LDLRAD3: variants seen among roughly 807,000 people sequenced by gnomAD.
LDLRAD3 encodes the protein low density lipoprotein receptor class A domain containing 3.
A neutral mutation model predicts 29.4 loss-of-function variants in LDLRAD3; 20 were observed. The ratio of observed to expected loss-of-function variants is 0.68; its 90% CI spans 0.48 to 0.99. LDLRAD3 has a LOEUF of 0.99. Ranked by LOEUF, LDLRAD3 falls within the 50% of genes least tolerant of loss-of-function variation. LDLRAD3 has a pLI of 0.00. For missense variants in LDLRAD3, 420 were observed against 454.3 expected (o/e 0.92, Z 0.69); for synonymous variants, 157 against 192.7 (o/e 0.81, Z 1.53).
chr11:36,064,520 A>T (rs1490954117), intron 2 of LDLRAD3, among the ~76,000 whole-genome samples: 1 of 122,544 alleles, frequency 8.2e-6, no homozygotes, highest in South Asian at 2.5e-4. Context: ...GGGTTTTGCC[A>T]TGTTGCCCAG....
At chr11:36,087,081 T>C (rs1322746503) in intron 3 of LDLRAD3, among the ~76,000 whole-genome samples, 3 of 152,162 alleles carry the variant, frequency 2.0e-5, no homozygotes, top group Non-Finnish European at 4.4e-5. Flanking sequence ...GGCAAACTTT[T>C]AGATACAGAA....
chr11:36,203,575 G>T (rs1855158562), intron 4 of LDLRAD3, among the ~76,000 whole-genome samples: 1 of 152,166 alleles, frequency 6.6e-6, no homozygotes, highest in African/African-American at 2.4e-5. Flanking sequence ...CTCACTGGTG[G>T]TAAGAGCCGG....
chr11:36,183,102 G>A (rs2133358793), intron 4 of LDLRAD3, among the ~76,000 whole-genome samples: 1 of 152,304 alleles, frequency 6.6e-6, no homozygotes, highest in Non-Finnish European at 1.5e-5. Flanking sequence ...AGGGTCCCAG[G>A]CACTGTAGAT....
At chr11:36,073,516 C>A (rs1374972271) in intron 2 of LDLRAD3, among the ~76,000 whole-genome samples, 2 of 152,366 alleles carry the variant, frequency 1.3e-5, no homozygotes, top group Admixed American at 1.3e-4. Context: ...TTGCCCAGGA[C>A]CCCCCTTCCC....
chr11:36,082,257 C>G (rs997435515), intron 3 of LDLRAD3, among the ~76,000 whole-genome samples: 4 of 152,084 alleles, frequency 2.6e-5, no homozygotes, highest in Non-Finnish European at 4.4e-5. Context: ...ACCTGTAATC[C>G]CAGCACTTTA....
At chr11:36,061,948 AT>A (rs1253062586) in intron 2 of LDLRAD3, among the ~76,000 whole-genome samples, 3 of 151,868 alleles carry the variant, frequency 2.0e-5, no homozygotes, top group African/African-American at 7.3e-5. Context: ...CCAGTCACCC[AT>A]TTTCTGATAC....
intron 1 of LDLRAD3, among the ~76,000 whole-genome samples, chr11:36,021,865 G>A (rs1404535560): frequency 6.6e-6 from 1 of 152,066 alleles, no homozygotes; most frequent in African/African-American, 2.4e-5. Flanking sequence ...ACCCCAGGCT[G>A]ATCTTGAACT....
intron 1 of LDLRAD3, among the ~76,000 whole-genome samples, chr11:36,034,984 C>T (rs906368169): frequency 6.6e-6 from 1 of 152,182 alleles, no homozygotes. Flanking sequence ...TCTGCTACCC[C>T]GAGGCGGGTC....
chr11:36,030,496 C>T (rs947338267), intron 1 of LDLRAD3, among the ~76,000 whole-genome samples: 3 of 150,830 alleles, frequency 2.0e-5, no homozygotes, highest in Non-Finnish European at 2.9e-5. Flanking sequence ...AAGACAGTCA[C>T]GGAAAACAGA....
Position 36,229,610 on chromosome 11 carries a change from G to GTTTTTTAATGAT in LDLRAD3, c.*214_*215insTTTTTAATGATT. On this transcript the variant is annotated 3_prime_UTR_variant, in exon 6 of 6. Transcript: ENST00000315571. ...ACATGATCTGTTGTGCGTCTTTTCTGTCAGGTCACTCTTCCCTTGGGACCC... is the reference window on the plus strand; with the variant it reads ...ACATGATCTGTTGTGCGTCTTTTCTGTTTTTTAATGATTCAGGTCACTCTTCCCTTGGGACCC... The GTTTTTTAATGAT allele has an allele frequency of 1.9e-6, 1 of 517,662 alleles. No homozygotes were observed. Among genetic ancestry groups the GTTTTTTAATGAT allele is most frequent in the Non-Finnish European group, 3.4e-6 (1 of 291,484 alleles). 32.1% of individuals were successfully genotyped at this position (517,662 alleles called of 1,614,324 possible).
At chr11:36,132,271 G>T (rs2133306972) in intron 4 of LDLRAD3, among the ~76,000 whole-genome samples, 1 of 152,294 alleles carries the variant, frequency 6.6e-6, no homozygotes, top group East Asian at 1.9e-4. Flanking sequence ...CCTTTGCCAA[G>T]TCCACTGTCT....
intron 4 of LDLRAD3, among the ~76,000 whole-genome samples, chr11:36,151,386 T>C (rs1854276255): frequency 1.3e-5 from 2 of 152,154 alleles, no homozygotes; most frequent in African/African-American, 4.8e-5. Context: ...AGAGAGGCAC[T>C]GCTGGCCACT....
At chr11:36,171,553 G>GTGCTTTCCCCACTTTATGTTGTTGTT (rs1467699654) in intron 4 of LDLRAD3, among the ~76,000 whole-genome samples, 2 of 152,050 alleles carry the variant, frequency 1.3e-5, no homozygotes, top group African/African-American at 2.4e-5. Flanking sequence ...TGAATAGAAT[G>GTGCTTTCCCCACTTTATGTTGTTGTT]TGCTTTCCCC....
At chr11:36,143,963 C>G (rs993647339) in intron 4 of LDLRAD3, among the ~76,000 whole-genome samples, 1 of 137,666 alleles carries the variant, frequency 7.3e-6, no homozygotes, top group Admixed American at 7.5e-5. Context: ...TTGCCACGGT[C>G]TCCCTCTGAT....
At chr11:36,126,654 C>T (rs186717103) in intron 4 of LDLRAD3, among the ~76,000 whole-genome samples, 9 of 152,274 alleles carry the variant, frequency 5.9e-5, no homozygotes, top group Admixed American at 5.2e-4. Context: ...AGCTCATTCA[C>T]GTATGCAATA....
At chr11:36,200,478 G>T (rs528453656) in intron 4 of LDLRAD3, among the ~76,000 whole-genome samples, 48 of 152,266 alleles carry the variant, frequency 3.2e-4, no homozygotes, top group Middle Eastern at 6.8e-3. Flanking sequence ...TGAATTGAGG[G>T]GGATACATAC....
Position 36,090,139 on chromosome 11 carries a change from A to C in LDLRAD3, c.320-8188A>C, listed in dbSNP as rs373040347. ...GAGCCCAGGTGGACTTCACACTTTC[A>C]CTTCTAACCACTACAGCAAAATGTA... On this transcript the variant is annotated intron_variant, in intron 3 of 5. Transcript: ENST00000315571. 2.6e-5 allele frequency among the ~76,000 whole-genome samples: 4 copies of C among 152,270 alleles called. No individual in the cohort carries two copies. In the East Asian group the frequency reaches 7.7e-4, roughly 29 times the overall value.
At position 36,213,216 on chromosome 11, in the gene LDLRAD3, T is replaced by G. The variant is rs1262069469; in HGVS notation, c.455-13869T>G. Among the ~76,000 whole-genome samples the G allele has an allele frequency of 2.0e-5, 3 of 152,144 alleles. No individual in the cohort carries two copies. The highest frequency in any genetic ancestry group is 4.8e-5 in the African/African-American group (2 of 41,444). ...CCAGCATCCTGGCAGATGGGTCTCC[T>G]CTCTCATTTCCCTCTGGCTTGGGGC... On this transcript the variant is annotated intron_variant, in intron 4 of 5. Coordinates refer to ENST00000315571, the MANE Select transcript of LDLRAD3 (RefSeq NM_174902.4). This position sits in a 1 kb window ranked among gnomAD's most constrained non-coding sequence, Gnocchi z 4.1.
chr11:36,129,464 G>C (rs1027038539), intron 4 of LDLRAD3, among the ~76,000 whole-genome samples: 1 of 152,104 alleles, frequency 6.6e-6, no homozygotes, highest in South Asian at 2.1e-4. Flanking sequence ...ACTAGGAATG[G>C]TCCTGTCCCA....
Sources: gnomAD v4.1 joint callset for allele counts (sites outside exome capture counted in the v4.1 genomes callset) on GRCh38, gnomAD v4.1.1 for gene constraint, Gnocchi (gnomAD v3.1) non-coding constraint, MANE v1.5 for transcripts, NCBI Gene and HGNC (gene_info 2026-07-23, HGNC 2026-07-21) for gene names.